The following CIMIP4 variants were observed in gnomAD, a reference collection of about 807,000 sequenced individuals.
CIMIP4 encodes ciliary microtubule inner protein 4, also known as protein EAN57.
chr22:36,991,573 T>G, the CIMIP4 span: 1 of 1,614,206 alleles, frequency 6.2e-7, no homozygotes, highest in Non-Finnish European at 8.5e-7. Flanking sequence ...CATGAGGCTC[T>G]TTGTCTCCTC....
At chr22:37,004,040 C>G in the CIMIP4 span, 1 of 1,540,788 alleles carries the variant, frequency 6.5e-7, no homozygotes, top group Non-Finnish European at 8.8e-7. Flanking sequence ...AAACAAAGCA[C>G]CACGTTTCAT....
chr22:36,999,794 G>T, the CIMIP4 span: 1 of 1,582,094 alleles, frequency 6.3e-7, no homozygotes. Context: ...CCAATGCCTG[G>T]GAGACCATGG....
chr22:36,997,740 G>T, the CIMIP4 span, among the ~76,000 whole-genome samples: 19 of 152,156 alleles, frequency 1.2e-4, no homozygotes, highest in African/African-American at 4.6e-4. Context: ...TCCCGGCTTG[G>T]TTTCTCATCT....
the CIMIP4 span, among the ~76,000 whole-genome samples, chr22:37,006,275 A>G: frequency 6.6e-6 from 1 of 152,252 alleles, no homozygotes; most frequent in Non-Finnish European, 1.5e-5. Flanking sequence ...GACAAGTCAG[A>G]GAGTGGATGC....
At chr22:37,000,504 G>A in the CIMIP4 span, among the ~76,000 whole-genome samples, 4 of 152,276 alleles carry the variant, frequency 2.6e-5, no homozygotes, top group East Asian at 1.9e-4. Context: ...AGGTCCAGGG[G>A]CAGGACACCT....
At chr22:37,002,032 A>G in the CIMIP4 span, 1 of 1,611,776 alleles carries the variant, frequency 6.2e-7, no homozygotes, top group Non-Finnish European at 8.5e-7. Flanking sequence ...AGGAGGATCG[A>G]GAGCCCGCAT....
chr22:37,006,587 C>T, the CIMIP4 span, among the ~76,000 whole-genome samples: 1 of 152,186 alleles, frequency 6.6e-6, no homozygotes, highest in Non-Finnish European at 1.5e-5. Flanking sequence ...TCAGCCACAC[C>T]TGGAGCTGAT....
At chr22:37,004,634 G>C in the CIMIP4 span, among the ~76,000 whole-genome samples, 1 of 152,006 alleles carries the variant, frequency 6.6e-6, no homozygotes, top group African/African-American at 2.4e-5. Flanking sequence ...AATTAGAGGG[G>C]TAGATTCAAA....
the CIMIP4 span, chr22:36,991,590 C>T: frequency 1.9e-6 from 3 of 1,614,090 alleles, no homozygotes; most frequent in South Asian, 1.1e-5. Flanking sequence ...CCTCAGCAGC[C>T]CCTGTAGAAT....
chr22:37,007,264 C>T, the CIMIP4 span, among the ~76,000 whole-genome samples: 1 of 152,206 alleles, frequency 6.6e-6, no homozygotes, highest in African/African-American at 2.4e-5. Context: ...ATTCTCACAT[C>T]TGGTAAATTA....
chr22:36,997,234 A>G, the CIMIP4 span, among the ~76,000 whole-genome samples: 2 of 152,238 alleles, frequency 1.3e-5, no homozygotes, highest in African/African-American at 2.4e-5. Context: ...TGGATTAAAG[A>G]GTTAAATGTG....
the CIMIP4 span, chr22:37,002,050 G>A: frequency 9.3e-6 from 15 of 1,608,170 alleles, no homozygotes; most frequent in Non-Finnish European, 1.3e-5. Flanking sequence ...CATTCTTCAG[G>A]GACCTGGACT....
chr22:37,007,596 C>A, the CIMIP4 span: 2 of 152,226 alleles, frequency 1.3e-5, no homozygotes, highest in Admixed American at 6.5e-5. Context: ...TCCCAAGAGA[C>A]TTTGGTCAAA....
At chr22:36,994,251 AGAAATTATT>A in the CIMIP4 span, among the ~76,000 whole-genome samples, 1 of 152,256 alleles carries the variant, frequency 6.6e-6, no homozygotes, top group Admixed American at 6.5e-5. Context: ...AGATTTGTGC[AGAAATTATT>A]AACAAGCCTG....
At chr22:37,002,087 C>G in the CIMIP4 span, 1 of 1,595,612 alleles carries the variant, frequency 6.3e-7, no homozygotes, top group Non-Finnish European at 8.5e-7. Flanking sequence ...AGAATCCCTG[C>G]TGGCAGCAGT....
At chr22:37,002,029 T>A in the CIMIP4 span, 1 of 1,611,908 alleles carries the variant, frequency 6.2e-7, no homozygotes, top group Non-Finnish European at 8.5e-7. Flanking sequence ...TCGAGGAGGA[T>A]CGAGAGCCCG....
the CIMIP4 span, chr22:37,002,069 A>C: frequency 2.6e-5 from 42 of 1,605,982 alleles, no homozygotes; most frequent in East Asian, 9.0e-4. Context: ...CTGTGGGTCC[A>C]TGCCCAGAGA....
chr22:37,003,488 C>T, the CIMIP4 span, among the ~76,000 whole-genome samples: 5 of 152,180 alleles, frequency 3.3e-5, no homozygotes, highest in Admixed American at 2.6e-4. Context: ...TGCCTGCTCT[C>T]GGGACTCCAC....
chr22:36,995,204 T>C, the CIMIP4 span, among the ~76,000 whole-genome samples: 1 of 152,204 alleles, frequency 6.6e-6, no homozygotes, highest in Non-Finnish European at 1.5e-5. Flanking sequence ...GATCCCTGGA[T>C]ACCTGGACAC....
Sources: gnomAD v4.1 joint callset for allele counts (sites outside exome capture counted in the v4.1 genomes callset) on GRCh38, gnomAD v4.1.1 for gene constraint, MANE v1.5 for transcripts, NCBI Gene and HGNC (gene_info 2026-07-23, HGNC 2026-07-21) for gene names.